Variants in HK1 observed in about 807,000 individuals in gnomAD.
HK1 encodes the protein hexokinase 1.
A neutral mutation model predicts 91.6 loss-of-function variants in HK1; 28 were observed. That is an observed-to-expected ratio of 0.31 (90% CI 0.23 to 0.42). The LOEUF (loss-of-function observed/expected upper bound fraction) is 0.42. HK1 is among the 10% of genes least tolerant of loss of function. HK1 has a pLI of 1.00. For synonymous variants in HK1, 430 were observed against 468.1 expected (o/e 0.92, Z 1.05); for missense variants, 770 against 1,219.8 (o/e 0.63, Z 5.49).
chr10:69,354,395 T>C (rs1272155423), intron 2 of HK1, among the ~76,000 whole-genome samples: 2 of 152,184 alleles, frequency 1.3e-5, no homozygotes, highest in Non-Finnish European at 2.9e-5. Flanking sequence ...CTTACAATCA[T>C]GGTGGAAGGA....
intron 4 of HK1, among the ~76,000 whole-genome samples, chr10:69,365,499 A>G (rs1002545465): frequency 6.6e-6 from 1 of 152,216 alleles, no homozygotes; most frequent in Non-Finnish European, 1.5e-5. Context: ...AAATAAATAC[A>G]TACAGCCTTG....
intron 4 of HK1, among the ~76,000 whole-genome samples, chr10:69,297,617 G>GCTACTGTCTCTACAGGCCA (rs1564762293): frequency 6.6e-6 from 1 of 151,942 alleles, no homozygotes; most frequent in African/African-American, 2.4e-5. Flanking sequence ...GGTTGAGGCC[G>GCTACTGTCTCTACAGGCCA]GATGTGGTGG....
chr10:69,353,557 C>T (rs1848987731), intron 2 of HK1, among the ~76,000 whole-genome samples: 1 of 150,546 alleles, frequency 6.6e-6, no homozygotes, highest in Non-Finnish European at 1.5e-5. Flanking sequence ...CATGCAACTG[C>T]ACTGCACTCC....
At chr10:69,349,320 A>G (rs759393055) in intron 2 of HK1, among the ~76,000 whole-genome samples, 1 of 152,110 alleles carries the variant, frequency 6.6e-6, no homozygotes, top group Non-Finnish European at 1.5e-5. Flanking sequence ...TCCCTGCCCC[A>G]CCTGCCTCAC....
Position 69,401,231 on chromosome 10 carries a change from G to A in HK1, c.*96G>A, listed in dbSNP as rs548752866. ...GCGAGTTGCGCTGGGAGACGCTGGC[G>A]CCAGGGCCTGCCGGCGCGGGGAGGA... On this transcript the variant is annotated 3_prime_UTR_variant, in exon 18 of 18. Transcript: ENST00000359426. 117 of 1,444,188 alleles carry A rather than the reference G, an allele frequency of 8.1e-5. No homozygotes were observed. The African/African-American group carries it at 9.9e-4, about 12-fold the overall frequency. The allele number at this position is 1,444,188 out of a possible 1,614,324, so 89.5% of individuals were successfully genotyped here. A position where few individuals can be genotyped will look rare whatever the true frequency, so the allele number is the denominator to read the frequency against.
chr10:69,331,864 C>T (rs1047299961), intron 1 of HK1, among the ~76,000 whole-genome samples: 1 of 151,512 alleles, frequency 6.6e-6, no homozygotes, highest in Non-Finnish European at 1.5e-5. Context: ...GGTGATGGAG[C>T]CAAGACCTTG....
At chr10:69,383,335 G>A (rs190822827) in intron 10 of HK1, among the ~76,000 whole-genome samples, 42 of 152,326 alleles carry the variant, frequency 2.8e-4, no homozygotes, top group Non-Finnish European at 6.0e-4. Flanking sequence ...AGGGCCTGGG[G>A]AGTTTCGCAT....
chr10:69,318,189 G>A (rs976551744), upstream of HK1: 1 of 985,468 alleles, frequency 1.0e-6, no homozygotes, highest in Non-Finnish European at 1.2e-6. Context: ...CTGGAGATTA[G>A]GCGGGGCACG....
intron 2 of HK1, among the ~76,000 whole-genome samples, chr10:69,349,491 G>A (rs763533794): frequency 5.9e-5 from 9 of 152,206 alleles, no homozygotes; most frequent in South Asian, 2.1e-4. Context: ...TCCAAGGACC[G>A]CACCCAGCAG....
intron 2 of HK1, among the ~76,000 whole-genome samples, chr10:69,350,428 C>G (rs1312043090): frequency 6.6e-6 from 1 of 152,078 alleles, no homozygotes; most frequent in Non-Finnish European, 1.5e-5. Context: ...TTTGGGAGGC[C>G]GAGGTGGGCG....
intron 2 of HK1, among the ~76,000 whole-genome samples, chr10:69,356,809 G>A (rs555744819): frequency 1.3e-3 from 195 of 149,820 alleles, no homozygotes; most frequent in Non-Finnish European, 2.3e-3. Flanking sequence ...CTTGAACCCG[G>A]GAAGCAGAGG....
At chr10:69,276,108 A>ATATATATATATAT (rs1352397297) in intron 1 of HK1, among the ~76,000 whole-genome samples, 1 of 48,978 alleles carries the variant, frequency 2.0e-5, no homozygotes, top group Non-Finnish European at 4.0e-5. Flanking sequence ...AAAAAAAAAA[A>ATATATATATATAT]AAAAAAAAAA....
chr10:69,396,370 G>A (rs1002219028), intron 16 of HK1, among the ~76,000 whole-genome samples: 1 of 151,930 alleles, frequency 6.6e-6, no homozygotes, highest in African/African-American at 2.4e-5. Context: ...AGGCAAAATG[G>A]TTTTTAAGTA....
intron 17 of HK1, among the ~76,000 whole-genome samples, chr10:69,399,739 G>A (rs1250262404): frequency 6.6e-6 from 1 of 152,056 alleles, no homozygotes; most frequent in Non-Finnish European, 1.5e-5. Flanking sequence ...TATGAATAGG[G>A]TGACCATATT....
rs1197179262 is a variant in HK1 at position 69,276,107 on chromosome 10, A to AT, written c.-391+5999_-391+6000insT. Among the ~76,000 whole-genome samples the AT allele has an allele frequency of 9.9e-3, 601 of 60,910 alleles. 17 individuals carry two copies. The highest frequency in any genetic ancestry group is 0.016 in the Non-Finnish European group (482 of 30,320). 40.0% of individuals were successfully genotyped at this position (60,910 alleles called of 152,430 possible). ...CTCCTTTTCAAAAAAAAAAAAAAAA[A>AT]AAAAAAAAAAAATACATATATATAT... On this transcript the variant is annotated intron_variant, in intron 1 of 21. Transcript: ENST00000360289.
intron 8 of HK1, among the ~76,000 whole-genome samples, chr10:69,378,130 T>C (rs915716902): frequency 1.3e-5 from 2 of 152,176 alleles, no homozygotes; most frequent in African/African-American, 2.4e-5. Flanking sequence ...ATGAGTCTCC[T>C]GGTCAGTGGC....
rs557400263 is a variant in HK1 at position 69,401,289 on chromosome 10, G to T, written c.*154G>T. 3.6e-5 allele frequency: 29 copies of T among 796,478 alleles called. No individual in the cohort carries two copies. Among genetic ancestry groups the T allele is most frequent in the African/African-American group, 3.6e-4 (21 of 58,128 alleles). 49.3% of individuals were successfully genotyped at this position (796,478 alleles called of 1,614,324 possible). On this transcript the variant is annotated 3_prime_UTR_variant, in exon 18 of 18. Transcript: ENST00000359426. ...ATCCAACTAATGGTATATATTGTAGGGTACAGAATAGAGCGTGTGCTGTTG... is the reference window on the plus strand; with the variant it reads ...ATCCAACTAATGGTATATATTGTAGTGTACAGAATAGAGCGTGTGCTGTTG...
chr10:69,320,308 C>T (rs1440854242), intron 1 of HK1, among the ~76,000 whole-genome samples: 3 of 152,122 alleles, frequency 2.0e-5, no homozygotes, highest in Non-Finnish European at 2.9e-5. Context: ...GCTGGGGACC[C>T]TGCCGTGATC....
At chr10:69,307,126 T>C (rs1474167867) in intron 5 of HK1, among the ~76,000 whole-genome samples, 1 of 152,164 alleles carries the variant, frequency 6.6e-6, no homozygotes, top group Non-Finnish European at 1.5e-5. Context: ...GCTGGAAATA[T>C]AATCACGAAC....
Sources: gnomAD v4.1 joint callset for allele counts (sites outside exome capture counted in the v4.1 genomes callset) on GRCh38, gnomAD v4.1.1 for gene constraint, MANE v1.5 for transcripts, NCBI Gene and HGNC (gene_info 2026-07-23, HGNC 2026-07-21) for gene names.